Variants in SNTG2 observed in about 807,000 individuals in gnomAD.
SNTG2 encodes the protein gamma-2-syntrophin.
SNTG2 carries 74 observed loss-of-function variants against 70.9 expected under a neutral mutation model. The ratio of observed to expected loss-of-function variants is 1.04; its 90% confidence interval spans 0.86 to 1.27. SNTG2 has a LOEUF of 1.27. SNTG2 is among the 50% of genes most tolerant of loss of function. The pLI, the probability that SNTG2 is intolerant of heterozygous loss-of-function variation, is 0.00. For synonymous variants in SNTG2, 278 were observed against 273.8 expected, an observed-to-expected ratio of 1.02 and a Z score of -0.15; for missense variants, 717 against 690.7, an observed-to-expected ratio of 1.04 and a Z score of -0.43.
intron 1 of SNTG2, among the ~76,000 whole-genome samples, chr2:962,475 T>A (rs1350444654): frequency 6.6e-6 from 1 of 152,210 alleles, no homozygotes; most frequent in East Asian, 1.9e-4. Flanking sequence ...ACTCTCAGCT[T>A]CTTCATTTGT....
intron 10 of SNTG2, among the ~76,000 whole-genome samples, chr2:1,238,857 A>G (rs1029053377): frequency 1.1e-4 from 17 of 152,190 alleles, no homozygotes; most frequent in African/African-American, 3.9e-4. Context: ...GCGGCCCTGC[A>G]GATGCACCCG....
At chr2:1,323,696 G>A (rs943087707) in intron 16 of SNTG2, among the ~76,000 whole-genome samples, 4 of 151,144 alleles carry the variant, frequency 2.6e-5, no homozygotes, top group African/African-American at 9.8e-5. Flanking sequence ...CTAGTAGGCT[G>A]GAACATGGCT....
intron 1 of SNTG2, among the ~76,000 whole-genome samples, chr2:1,054,749 T>A (rs533920863): frequency 7.9e-5 from 12 of 152,360 alleles, no homozygotes; most frequent in Admixed American, 2.6e-4. Flanking sequence ...CTGAAGTTAA[T>A]GTTGATGTAT....
intron 13 of SNTG2, among the ~76,000 whole-genome samples, chr2:1,264,516 G>C (rs1678619688): frequency 6.6e-6 from 1 of 152,194 alleles, no homozygotes; most frequent in African/African-American, 2.4e-5. Flanking sequence ...CCAAGAAGCG[G>C]GAATATCACA....
At chr2:963,450 C>T (rs1426882531) in intron 1 of SNTG2, among the ~76,000 whole-genome samples, 25 of 152,108 alleles carry the variant, frequency 1.6e-4, no homozygotes, top group Non-Finnish European at 1.5e-5. Context: ...GCGAGCAAGT[C>T]AGTTTCCACG....
intron 14 of SNTG2, among the ~76,000 whole-genome samples, chr2:1,269,196 G>T (rs1218188991): frequency 6.6e-6 from 1 of 152,044 alleles, no homozygotes; most frequent in Non-Finnish European, 1.5e-5. Context: ...GTTTCGTACT[G>T]TCCTTATTCC....
chr2:961,482 C>CACCAAG (rs1660349257), intron 1 of SNTG2, among the ~76,000 whole-genome samples: 1 of 152,192 alleles, frequency 6.6e-6, no homozygotes, highest in Admixed American at 6.5e-5. Context: ...GGAGTTAACA[C>CACCAAG]ACCACGGTGT....
At chr2:1,326,103 G>A (rs1286965716) in intron 16 of SNTG2, among the ~76,000 whole-genome samples, 1 of 152,122 alleles carries the variant, frequency 6.6e-6, no homozygotes, top group Non-Finnish European at 1.5e-5. Context: ...AAAGTGCTGG[G>A]ATTACAGGCA....
intron 1 of SNTG2, among the ~76,000 whole-genome samples, chr2:1,040,571 C>T (rs993095017): frequency 2.6e-5 from 4 of 152,172 alleles, no homozygotes; most frequent in South Asian, 2.1e-4. Flanking sequence ...CGGCCATTGC[C>T]GAAATCCACA....
chr2:951,357 T>A (rs1348573723), intron 1 of SNTG2, among the ~76,000 whole-genome samples: 1 of 152,244 alleles, frequency 6.6e-6, no homozygotes, highest in Non-Finnish European at 1.5e-5. Flanking sequence ...TTCCCTTTAC[T>A]GCGTGGGAAG....
At chr2:1,228,282 GTTCT>G (rs1455642990) in intron 9 of SNTG2, among the ~76,000 whole-genome samples, 6 of 152,216 alleles carry the variant, frequency 3.9e-5, no homozygotes, top group Non-Finnish European at 8.8e-5. Flanking sequence ...ACAAAATATG[GTTCT>G]CTTAGGATCA....
chr2:996,103 C>A (rs1293178052), intron 1 of SNTG2, among the ~76,000 whole-genome samples: 1 of 152,052 alleles, frequency 6.6e-6, no homozygotes, highest in Non-Finnish European at 1.5e-5. Flanking sequence ...GTGTGACTGA[C>A]CATAAACAAA....
intron 1 of SNTG2, among the ~76,000 whole-genome samples, chr2:952,558 A>G (rs1399892205): frequency 2.0e-5 from 3 of 152,222 alleles, no homozygotes; most frequent in African/African-American, 7.2e-5. Flanking sequence ...TCCAGTCAAG[A>G]GTGGCCTCTG....
At chr2:1,335,698 T>A (rs533717639) in intron 16 of SNTG2, among the ~76,000 whole-genome samples, 1 of 151,974 alleles carries the variant, frequency 6.6e-6, no homozygotes, top group Non-Finnish European at 1.5e-5. Context: ...TGGGTCTGGA[T>A]TGAACACCGA....
Position 1,097,274 on chromosome 2 carries a change from C to T in SNTG2, c.211-922C>T, listed in dbSNP as rs1008307996. Among the ~76,000 whole-genome samples, 4 of 152,224 alleles carry T rather than the reference C, an allele frequency of 2.6e-5. No individual in the cohort carries two copies. The highest frequency in any genetic ancestry group is 4.4e-5 in the Non-Finnish European group (3 of 68,046). ...CACCGCTGGCCGGGGCGGGAGCTCC[C>T]AGGTCCCCCCTTCGGCGTGGGCTCT... On this transcript the variant is annotated intron_variant, in intron 2 of 16. Coordinates refer to ENST00000308624, the MANE Select transcript of SNTG2 (RefSeq NM_018968.4). This position sits in a 1 kb window ranked among gnomAD's most constrained non-coding sequence, Gnocchi z 4.1.
intron 4 of SNTG2, among the ~76,000 whole-genome samples, chr2:1,113,476 G>C (rs567633708): frequency 1.3e-5 from 2 of 151,862 alleles, no homozygotes; most frequent in Non-Finnish European, 2.9e-5. Flanking sequence ...GAGAAGGGTC[G>C]TGTGTACTAA....
chr2:1,247,443 G>A lies in SNTG2; in HGVS notation c.1005G>A (p.Pro335=), dbSNP rs562415359. The A allele has an allele frequency of 2.2e-5, 36 of 1,605,960 alleles. No homozygotes were observed. The highest frequency in any genetic ancestry group is 1.7e-4 in the Middle Eastern group (1 of 6,054). ...GPSFYVFSTP[P]VSTFDWVRAE... ...CCTTCTACGTTTTCAGCACTCCTCC[G>A]GTAAGGATGCTTTTGACACTCCACA... is the stretch of plus-strand genomic sequence containing the variant. The change falls in exon 12 of 17, where the codon CCG becomes CCA. Residue 335 remains proline, a splice_region_variant and synonymous_variant. Transcript: ENST00000308624.
intron 16 of SNTG2, among the ~76,000 whole-genome samples, chr2:1,357,279 G>A (rs1660902392): frequency 6.6e-6 from 1 of 152,118 alleles, no homozygotes; most frequent in African/African-American, 2.4e-5. Flanking sequence ...GTTAGTCATG[G>A]ACTTTTGACA....
chr2:1,111,478 T>C (rs1666437199), intron 4 of SNTG2, among the ~76,000 whole-genome samples: 1 of 152,196 alleles, frequency 6.6e-6, no homozygotes, highest in Non-Finnish European at 1.5e-5. Context: ...CTTTAGAAAG[T>C]GCCTGAAGAA....
Sources: gnomAD v4.1 joint callset for allele counts (sites outside exome capture counted in the v4.1 genomes callset) on GRCh38, gnomAD v4.1.1 for gene constraint, Gnocchi (gnomAD v3.1) non-coding constraint, MANE v1.5 for transcripts, NCBI Gene and HGNC (gene_info 2026-07-23, HGNC 2026-07-21) for gene names.